TACC2: variants seen among roughly 807,000 people sequenced by gnomAD.
The protein encoded by TACC2 is transforming acidic coiled-coil containing protein 2, also known as transforming acidic coiled-coil-containing protein 2.
In TACC2, 137 loss-of-function variants were observed where a neutral mutation model predicts 227.3. The observed-to-expected ratio is 0.60, with a 90% CI of 0.52 to 0.69. The LOEUF (loss-of-function observed/expected upper bound fraction) is 0.69. Among genes scored for constraint, TACC2 ranks in the 30% least tolerant of loss-of-function variants. The probability of loss-of-function intolerance (pLI) is 0.00; values close to 1 mark genes in which losing one functional copy is unlikely to be tolerated. For missense variants in TACC2, 3,470 were observed against 3,694.4 expected (o/e 0.94, Z 1.57); for synonymous variants, 1,523 against 1,487.5 (o/e 1.02, Z -0.55).
At chr10:122,139,502 A>G (rs1200688576) in intron 6 of TACC2, among the ~76,000 whole-genome samples, 1 of 152,120 alleles carries the variant, frequency 6.6e-6, no homozygotes, top group Non-Finnish European at 1.5e-5. Flanking sequence ...CGCCTGTTCT[A>G]TCTCCCATTG....
chr10:122,224,643 GGC>G, intron 11 of TACC2, 81 bp from the exon 12 acceptor site: 2 of 1,255,108 alleles, frequency 1.6e-6, no homozygotes, highest in Non-Finnish European at 2.3e-6. Context: ...CACCCTGCCT[GGC>G]TCAGATCTTC....
In TACC2 at chr10:122,231,248, C is replaced by T. The variant is rs192784738; in HGVS notation, c.8127+808C>T. On this transcript the variant is annotated intron_variant, in intron 16 of 22. Transcript: ENST00000369005. The stretch of plus-strand genomic sequence containing the variant: ...TGACGTGCAGAACGTGTGTTTGCCC[C>T]TGGACTGCCCATGCAAACCTTGGTC... 3.6e-3 allele frequency among the ~76,000 whole-genome samples: 543 copies of T among 152,308 alleles called. 4 individuals are homozygous for T. Among genetic ancestry groups the T allele is most frequent in the African/African-American group, 0.011 (477 of 41,570 alleles).
intron 1 of TACC2, among the ~76,000 whole-genome samples, chr10:121,995,602 G>C (rs561021660): frequency 1.3e-5 from 2 of 152,184 alleles, no homozygotes; most frequent in Non-Finnish European, 2.9e-5. Context: ...AAAAGAGATA[G>C]TTGGCTCATG....
chr10:122,125,220 G>A (rs2086602751), intron 5 of TACC2, among the ~76,000 whole-genome samples: 1 of 151,964 alleles, frequency 6.6e-6, no homozygotes, highest in South Asian at 2.1e-4. Flanking sequence ...TTTGAGACAG[G>A]GTCTCACTTT....
At chr10:122,167,193 T>C (rs1208937350) in intron 7 of TACC2, among the ~76,000 whole-genome samples, 1 of 152,212 alleles carries the variant, frequency 6.6e-6, no homozygotes, top group Non-Finnish European at 1.5e-5. Flanking sequence ...GTTGCCCTAC[T>C]CTCAAAGTGA....
intron 5 of TACC2, among the ~76,000 whole-genome samples, chr10:122,110,897 T>C (rs1229007485): frequency 6.6e-6 from 1 of 152,200 alleles, no homozygotes; most frequent in African/African-American, 2.4e-5. Flanking sequence ...AAGGTTTCGG[T>C]AGTGTTGTGT....
At chr10:122,080,678 G>A (rs2137021842) in intron 3 of TACC2, among the ~76,000 whole-genome samples, 1 of 152,204 alleles carries the variant, frequency 6.6e-6, no homozygotes, top group African/African-American at 2.4e-5. Context: ...GGATTTGAGG[G>A]GGGCACAGTT....
At chr10:121,997,261 C>T (rs1738523100) in intron 1 of TACC2, among the ~76,000 whole-genome samples, 1 of 152,154 alleles carries the variant, frequency 6.6e-6, no homozygotes, top group East Asian at 1.9e-4. Context: ...ACTTCTCACT[C>T]CTGCTTCTCA....
At chr10:122,105,034 T>C (rs904993381) in intron 5 of TACC2, among the ~76,000 whole-genome samples, 2 of 152,230 alleles carry the variant, frequency 1.3e-5, no homozygotes, top group Non-Finnish European at 2.9e-5. Flanking sequence ...TTTGAATAAC[T>C]AGATGAAACT....
At chr10:122,097,857 G>C (rs774384474) in intron 5 of TACC2, among the ~76,000 whole-genome samples, 1 of 152,064 alleles carries the variant, frequency 6.6e-6, no homozygotes, top group South Asian at 2.1e-4. Flanking sequence ...GCTGCAGGGG[G>C]GCTTCTGGGC....
At position 122,224,189 on chromosome 10, in the gene TACC2, G is replaced by A. The variant is rs79396003; in HGVS notation, c.7547-537G>A. The stretch of plus-strand genomic sequence containing the variant: ...CCCTGAAGACACTGGTAGAACCCTG[G>A]GAAAGGCTCCAGGTGACTTACAAAG... On this transcript the variant is annotated intron_variant, in intron 11 of 22. Transcript: ENST00000369005. Among the ~76,000 whole-genome samples, 544 of 152,256 alleles carry A rather than the reference G, an allele frequency of 3.6e-3. 4 individuals carry two copies. The highest frequency in any genetic ancestry group is 0.012 in the African/African-American group (478 of 41,554).
At chr10:122,052,069 G>C (rs1478427046) in intron 3 of TACC2, 1 of 152,166 alleles carries the variant, frequency 6.6e-6, no homozygotes. Context: ...CCATTTCCAT[G>C]AATTTTTCAT....
At chr10:122,006,957 G>T (rs926066706) in intron 1 of TACC2, among the ~76,000 whole-genome samples, 1 of 150,314 alleles carries the variant, frequency 6.7e-6, no homozygotes, top group African/African-American at 2.4e-5. Context: ...TGCCTCCCGG[G>T]TTCCAGTGAT....
chr10:122,044,037 T>C (rs1022656364), intron 2 of TACC2, among the ~76,000 whole-genome samples: 3 of 152,212 alleles, frequency 2.0e-5, no homozygotes, highest in Non-Finnish European at 4.4e-5. Context: ...ACCCAGCCCT[T>C]ACTATTCATG....
chr10:122,214,443 T>C (rs945334184), intron 9 of TACC2, among the ~76,000 whole-genome samples: 2 of 152,134 alleles, frequency 1.3e-5, no homozygotes, highest in Non-Finnish European at 2.9e-5. Flanking sequence ...CCAGTTAACA[T>C]GCAAAGCAGG....
chr10:122,213,110 C>T (rs561635498), intron 9 of TACC2, among the ~76,000 whole-genome samples: 3 of 152,282 alleles, frequency 2.0e-5, no homozygotes, highest in Admixed American at 6.5e-5. Context: ...GGGACTTTGG[C>T]GTGGAAGACC....
intron 5 of TACC2, among the ~76,000 whole-genome samples, chr10:122,094,731 T>A (rs2081198178): frequency 6.6e-6 from 1 of 152,224 alleles, no homozygotes; most frequent in Middle Eastern, 3.2e-3. Context: ...TGGGAGCCTC[T>A]CTGCCGCTTG....
Position 122,249,678 on chromosome 10 carries a change from G to C in TACC2, c.8781+14G>C. 1 of 1,606,324 alleles carries C rather than the reference G, an allele frequency of 6.2e-7. No individual in the cohort carries two copies. ...CTGGAGCAGAAGGTAATAGGGGAGGGGTGTGGCCTCCAGGTGGGCCGGGCT... is the reference window on the plus strand; with the variant it reads ...CTGGAGCAGAAGGTAATAGGGGAGGCGTGTGGCCTCCAGGTGGGCCGGGCT... On this transcript the variant is annotated intron_variant, in intron 22 of 22. Transcript: ENST00000369005.
At chr10:122,172,618 A>C (rs1320334203) in intron 7 of TACC2, among the ~76,000 whole-genome samples, 1 of 152,224 alleles carries the variant, frequency 6.6e-6, no homozygotes, top group Non-Finnish European at 1.5e-5. Context: ...TAGGGAAAAC[A>C]TCTGCGCACA....
Sources: allele counts gnomAD v4.1 joint callset (sites outside exome capture counted in the v4.1 genomes callset), GRCh38; gene constraint gnomAD v4.1.1; transcripts MANE v1.5; gene names NCBI Gene and HGNC (gene_info 2026-07-23, HGNC 2026-07-21).